The following SH3RF3 variants were observed in gnomAD, a reference collection of about 807,000 sequenced individuals.
SH3RF3 encodes the protein E3 ubiquitin-protein ligase SH3RF3.
A neutral mutation model predicts 66.3 loss-of-function variants in SH3RF3; 29 were observed. The ratio of observed to expected loss-of-function variants is 0.44; its 90% CI spans 0.33 to 0.60. SH3RF3 has a LOEUF of 0.60. Ranked by LOEUF, SH3RF3 falls within the 20% of genes least tolerant of loss-of-function variation. SH3RF3 has a pLI of 0.04. For synonymous variants in SH3RF3, 583 were observed against 532.0 expected (o/e 1.10, Z -1.32); for missense variants, 1,194 against 1,190.9 (o/e 1.00, Z -0.04).
chr2:109,228,608 A>C (rs961642361), intron 1 of SH3RF3, among the ~76,000 whole-genome samples: 13 of 152,140 alleles, frequency 8.5e-5, no homozygotes, highest in African/African-American at 3.1e-4. Flanking sequence ...GCCAGTTGCA[A>C]GAGGTGTCTT....
intron 1 of SH3RF3, among the ~76,000 whole-genome samples, chr2:109,238,727 TC>T (rs1558974849): frequency 6.6e-6 from 1 of 152,256 alleles, no homozygotes; most frequent in South Asian, 2.1e-4. Flanking sequence ...GCTCAAGACT[TC>T]CTTCCCCCAG....
intron 1 of SH3RF3, among the ~76,000 whole-genome samples, chr2:109,344,889 C>T (rs367898347): frequency 5.7e-4 from 87 of 152,274 alleles, no homozygotes; most frequent in African/African-American, 2.0e-3. Flanking sequence ...CATCTGGGTT[C>T]ACATCAAGTC....
chr2:109,293,122 A>G (rs1020053417), intron 1 of SH3RF3, among the ~76,000 whole-genome samples: 1 of 152,226 alleles, frequency 6.6e-6, no homozygotes, highest in Non-Finnish European at 1.5e-5. Flanking sequence ...TGCAGGGGAC[A>G]CACTAGAAGG....
chr2:109,192,792 A>T (rs1678400628), intron 1 of SH3RF3, among the ~76,000 whole-genome samples: 1 of 152,224 alleles, frequency 6.6e-6, no homozygotes, highest in Non-Finnish European at 1.5e-5. Context: ...AGACGAGTTC[A>T]GACTTTGACA....
chr2:109,429,847 A>G (rs1677142987), intron 5 of SH3RF3, among the ~76,000 whole-genome samples: 1 of 152,174 alleles, frequency 6.6e-6, no homozygotes, highest in Non-Finnish European at 1.5e-5. Context: ...TAGGGGTTCC[A>G]TGCTCCCAGG....
chr2:109,447,345 A>G (rs943285476), intron 7 of SH3RF3, among the ~76,000 whole-genome samples: 2 of 152,100 alleles, frequency 1.3e-5, no homozygotes, highest in Non-Finnish European at 2.9e-5. Context: ...TCCCAGATGG[A>G]GAGCTTTGTA....
At chr2:109,471,206 C>T (rs919198517) in intron 8 of SH3RF3, among the ~76,000 whole-genome samples, 3 of 40,144 alleles carry the variant, frequency 7.5e-5, no homozygotes, top group Non-Finnish European at 2.0e-4. Context: ...GACTCTGTCT[C>T]AAAAAAAAAA....
chr2:109,296,967 G>A (rs1440273184), intron 1 of SH3RF3, among the ~76,000 whole-genome samples: 1 of 152,194 alleles, frequency 6.6e-6, no homozygotes, highest in African/African-American at 2.4e-5. Context: ...TGAGGAGCTA[G>A]TGATTTACCT....
chr2:109,202,531 A>G (rs1574501852), intron 1 of SH3RF3, among the ~76,000 whole-genome samples: 1 of 152,294 alleles, frequency 6.6e-6, no homozygotes, highest in East Asian at 1.9e-4. Flanking sequence ...GGTGGTCAGC[A>G]TGGCTGCTTT....
intron 1 of SH3RF3, among the ~76,000 whole-genome samples, chr2:109,249,467 C>CTCTCTCTT (rs1558981118): frequency 4.0e-5 from 4 of 99,288 alleles, no homozygotes; most frequent in Non-Finnish European, 4.1e-5. Context: ...TTCTCTCTTT[C>CTCTCTCTT]TCTTTCTTTC....
chr2:109,186,474 T>G (rs1477637640), intron 1 of SH3RF3, among the ~76,000 whole-genome samples: 7 of 152,156 alleles, frequency 4.6e-5, no homozygotes, highest in Non-Finnish European at 2.9e-5. Context: ...CCCGTGGGAG[T>G]TCAAGGTGTG....
chr2:109,347,484 G>C, intron 1 of SH3RF3, among the ~76,000 whole-genome samples, 190 bp from the exon 2 acceptor site: 1 of 152,156 alleles, frequency 6.6e-6, no homozygotes, highest in East Asian at 1.9e-4. Flanking sequence ...TCTTATCTCA[G>C]TGGCGCCTCA....
intron 3 of SH3RF3, among the ~76,000 whole-genome samples, chr2:109,395,424 G>A (rs917082343): frequency 2.6e-5 from 4 of 152,200 alleles, no homozygotes; most frequent in African/African-American, 7.2e-5. Flanking sequence ...CCTCGGCAGC[G>A]GTTCGCCTGC....
chr2:109,147,179 G>A (rs959510744), intron 1 of SH3RF3, among the ~76,000 whole-genome samples: 3 of 152,140 alleles, frequency 2.0e-5, no homozygotes, highest in Non-Finnish European at 4.4e-5. Context: ...TCCTCAAGGT[G>A]CCTGGGAGAA....
chr2:109,272,953 C>T (rs113790340), intron 1 of SH3RF3, among the ~76,000 whole-genome samples: 5 of 152,222 alleles, frequency 3.3e-5, no homozygotes, highest in African/African-American at 1.2e-4. Flanking sequence ...ACAAAGGACC[C>T]GTATTTTTTC....
At chr2:109,163,392 T>TTC in intron 1 of SH3RF3, among the ~76,000 whole-genome samples, 1 of 117,324 alleles carries the variant, frequency 8.5e-6, no homozygotes, top group South Asian at 3.2e-4. Flanking sequence ...CAAATATTCT[T>TTC]TTTTTTTTTT....
At chr2:109,157,508 T>G (rs1677374926) in intron 1 of SH3RF3, among the ~76,000 whole-genome samples, 1 of 152,238 alleles carries the variant, frequency 6.6e-6, no homozygotes, top group Admixed American at 6.5e-5. Flanking sequence ...GATCTGAAAC[T>G]GGCCTTAGAG....
At position 109,129,991 on chromosome 2, in the gene SH3RF3, G is replaced by A; in HGVS notation, c.451G>A (p.Gly151Ser). 7.7e-7 allele frequency: 1 copy of A among 1,295,236 alleles called. No individual in the cohort carries two copies. Among genetic ancestry groups the A allele is most frequent in the Middle Eastern group, 3.0e-4 (1 of 3,378 alleles). 80.2% of individuals were successfully genotyped at this position (1,295,236 alleles called of 1,614,324 possible). A position where few individuals can be genotyped will look rare whatever the true frequency, so the allele number is the denominator to read the frequency against. Reference protein sequence around the residue: ...PGQSAAPTLAGGGGGAAGSTP... With the variant: ...PGQSAAPTLASGGGGAAGSTP... ...CCAGAGTGCGGCCCCCACGCTCGCG[G>A]GCGGCGGGGGCGGCGCGGCAGGCAG... is the stretch of plus-strand genomic sequence containing the variant. Residue 151 changes from glycine (G) to serine (S), a missense_variant, in exon 1 of 10, where the codon GGC (glycine) becomes AGC (serine). Gly to Ser is a moderately conservative substitution (Grantham distance 56). Coordinates refer to ENST00000309415, the MANE Select transcript of SH3RF3 (RefSeq NM_001099289.3).
At chr2:109,297,350 C>T (rs1160496007) in intron 1 of SH3RF3, among the ~76,000 whole-genome samples, 82 of 152,224 alleles carry the variant, frequency 5.4e-4, no homozygotes, top group Non-Finnish European at 1.2e-4. Context: ...AGAAAACCCA[C>T]CAAAGAGGGG....
Sources: allele counts gnomAD v4.1 joint callset (sites outside exome capture counted in the v4.1 genomes callset), GRCh38; gene constraint gnomAD v4.1.1; transcripts MANE v1.5; gene names NCBI Gene and HGNC (gene_info 2026-07-23, HGNC 2026-07-21).